The following ACER3 variants were observed in gnomAD, a reference collection of about 807,000 sequenced individuals.
ACER3 encodes the protein alkaline ceramidase 3.
Under a neutral mutation model 48.9 loss-of-function variants are expected in ACER3, and 16 were observed. The ratio of observed to expected loss-of-function variants is 0.33; its 90% CI spans 0.22 to 0.50. ACER3 has a LOEUF of 0.50. Among genes scored for constraint, ACER3 ranks in the 20% least tolerant of loss-of-function variants. The pLI is 0.98. For missense variants in ACER3, 227 were observed against 326.0 expected (o/e 0.70, Z 2.34); for synonymous variants, 109 against 107.8 (o/e 1.01, Z -0.07).
At chr11:76,921,482 T>G (rs1436965606) in intron 1 of ACER3, among the ~76,000 whole-genome samples, 6 of 152,206 alleles carry the variant, frequency 3.9e-5, no homozygotes, top group Non-Finnish European at 8.8e-5. Context: ...AAGACCATCC[T>G]TTCCTTAATA....
chr11:76,963,621 G>A (rs1948057883), intron 3 of ACER3, among the ~76,000 whole-genome samples: 1 of 151,268 alleles, frequency 6.6e-6, no homozygotes, highest in Admixed American at 6.6e-5. Context: ...TAGCCAGCTT[G>A]GTCCACACCC....
intron 5 of ACER3, among the ~76,000 whole-genome samples, chr11:76,990,179 G>A (rs1448978243): frequency 1.3e-5 from 2 of 152,124 alleles, no homozygotes; most frequent in African/African-American, 4.8e-5. Context: ...CTCTAAGTCC[G>A]GTGTTCTCTC....
At chr11:76,959,103 A>C in intron 3 of ACER3, 72 bp downstream of exon 3, 2 of 1,608,744 alleles carry the variant, frequency 1.2e-6, no homozygotes, top group Non-Finnish European at 1.7e-6. Flanking sequence ...AGAAAAGAGC[A>C]CATAACTATG....
intron 2 of ACER3, among the ~76,000 whole-genome samples, chr11:76,935,316 A>G (rs184584126): frequency 2.8e-4 from 43 of 152,298 alleles, no homozygotes; most frequent in African/African-American, 8.9e-4. Context: ...AGTGGAACAT[A>G]ATTATATTTA....
At chr11:76,869,562 A>T (rs1298724706) in intron 1 of ACER3, among the ~76,000 whole-genome samples, 1 of 152,208 alleles carries the variant, frequency 6.6e-6, no homozygotes, top group East Asian at 1.9e-4. Flanking sequence ...TGTTAAGTAC[A>T]TTCACACTGT....
At chr11:76,878,260 C>A (rs552608557) in intron 1 of ACER3, among the ~76,000 whole-genome samples, 1 of 151,926 alleles carries the variant, frequency 6.6e-6, no homozygotes, top group South Asian at 2.1e-4. Flanking sequence ...AAAGTAATTG[C>A]GGTTTTTGCC....
intron 1 of ACER3, among the ~76,000 whole-genome samples, chr11:76,916,733 CT>C (rs1946541463): frequency 6.6e-6 from 1 of 152,200 alleles, no homozygotes; most frequent in South Asian, 2.1e-4. Context: ...GAAACTTTCC[CT>C]TTTTGACCTT....
intron 1 of ACER3, among the ~76,000 whole-genome samples, chr11:76,881,893 AT>A (rs1177034062): frequency 8.0e-5 from 12 of 150,906 alleles, no homozygotes; most frequent in Non-Finnish European, 1.3e-4. Flanking sequence ...ATGTATTCAA[AT>A]TTTTTTCTGC....
chr11:76,891,516 T>A (rs987459279), intron 1 of ACER3, among the ~76,000 whole-genome samples: 1 of 152,146 alleles, frequency 6.6e-6, no homozygotes, highest in African/African-American at 2.4e-5. Flanking sequence ...AAATAAGTGT[T>A]TCTCTGAGTT....
chr11:76,872,157 A>C (rs1332380362), intron 1 of ACER3, among the ~76,000 whole-genome samples: 1 of 151,270 alleles, frequency 6.6e-6, no homozygotes, highest in African/African-American at 2.4e-5. Context: ...GCTCACTGCA[A>C]CCTCTGCCTC....
chr11:76,986,641 G>C (rs1041444841), intron 5 of ACER3, among the ~76,000 whole-genome samples: 13 of 152,310 alleles, frequency 8.5e-5, no homozygotes, highest in Admixed American at 3.3e-4. Flanking sequence ...TGGTAGAATT[G>C]GGCAAGATTT....
intron 1 of ACER3, chr11:76,868,237 A>G (rs1945145294): frequency 7.8e-7 from 1 of 1,289,582 alleles, no homozygotes; most frequent in Middle Eastern, 2.1e-4. Context: ...ATATGAAGGA[A>G]GATGCTCCTT....
intron 7 of ACER3, among the ~76,000 whole-genome samples, chr11:77,007,197 A>T (rs1555021226): frequency 6.6e-6 from 1 of 150,812 alleles, no homozygotes. Context: ...GTTTTTAGTT[A>T]GGGAATTGTT....
intron 2 of ACER3, among the ~76,000 whole-genome samples, chr11:76,947,077 C>G (rs1306911455): frequency 1.3e-5 from 2 of 152,192 alleles, no homozygotes; most frequent in Admixed American, 1.3e-4. Flanking sequence ...TATGGCGAAT[C>G]CTAGTGTTCT....
chr11:76,971,035 G>T (rs892862476), intron 3 of ACER3, among the ~76,000 whole-genome samples: 1 of 152,136 alleles, frequency 6.6e-6, no homozygotes, highest in Non-Finnish European at 1.5e-5. Flanking sequence ...CCATGCTGTA[G>T]CAAGAAGTAC....
intron 2 of ACER3, among the ~76,000 whole-genome samples, chr11:76,937,547 G>C (rs1015192540): frequency 3.3e-5 from 5 of 152,198 alleles, no homozygotes; most frequent in Admixed American, 3.3e-4. Context: ...TCACTGAACT[G>C]ATATGGATAT....
chr11:76,987,590 G>C (rs1203907295), intron 5 of ACER3, among the ~76,000 whole-genome samples: 1 of 152,172 alleles, frequency 6.6e-6, no homozygotes, highest in Non-Finnish European at 1.5e-5. Flanking sequence ...TCAGGGTATA[G>C]ATAGTACAAA....
intron 1 of ACER3, among the ~76,000 whole-genome samples, chr11:76,883,670 C>A (rs1396449241): frequency 2.0e-5 from 3 of 151,998 alleles, no homozygotes; most frequent in African/African-American, 7.2e-5. Flanking sequence ...ATCTCGAATT[C>A]CTGACCTCAA....
intron 1 of ACER3, among the ~76,000 whole-genome samples, chr11:76,896,465 C>T (rs1945933050): frequency 1.3e-5 from 2 of 151,780 alleles, no homozygotes; most frequent in South Asian, 4.2e-4. Flanking sequence ...TCGAGACCAG[C>T]CTGGGCAACA....
Sources: gnomAD v4.1 joint callset for allele counts (sites outside exome capture counted in the v4.1 genomes callset) on GRCh38, gnomAD v4.1.1 for gene constraint, MANE v1.5 for transcripts, NCBI Gene and HGNC (gene_info 2026-07-23, HGNC 2026-07-21) for gene names.